Variants in STK24 observed in about 807,000 individuals in gnomAD.
STK24 encodes the protein serine/threonine-protein kinase 24.
In STK24, 21 loss-of-function variants were observed where a neutral mutation model predicts 55.6. The ratio of observed to expected loss-of-function variants is 0.38; its 90% CI spans 0.27 to 0.54. The LOEUF is 0.54. Ranked by LOEUF, STK24 falls within the 20% of genes least tolerant of loss-of-function variation. STK24 has a pLI of 0.79. For synonymous variants in STK24, 200 were observed against 215.2 expected (o/e 0.93, Z 0.62); for missense variants, 383 against 538.4 (o/e 0.71, Z 2.86).
chr13:98,513,609 A>C (rs1184214031), intron 2 of STK24, among the ~76,000 whole-genome samples: 1 of 152,100 alleles, frequency 6.6e-6, no homozygotes, highest in Non-Finnish European at 1.5e-5. Flanking sequence ...AGCCCTTCAG[A>C]CTGCACAAGA....
Position 98,447,966 on chromosome 13 carries a change from C to T in STK24, c.*5207G>A, listed in dbSNP as rs1892959523. The T allele has an allele frequency of 2.0e-6, 1 of 493,692 alleles. No homozygotes were observed. Among genetic ancestry groups the T allele is most frequent in the African/African-American group, 2.0e-5 (1 of 50,788 alleles). The allele number at this position is 493,692 out of a possible 1,614,324, so 30.6% of individuals were successfully genotyped here. A position where few individuals can be genotyped will look rare whatever the true frequency, so the allele number is the denominator to read the frequency against. ...TAGCGTTCTCCCCAGCAACCAGAGG[C>T]CACCTCGCTCCTAACTGCTCCAATG... On this transcript the variant is annotated 3_prime_UTR_variant, in exon 11 of 11. Coordinates refer to ENST00000539966, the MANE Select transcript of STK24 (RefSeq NM_001032296.4).
At position 98,521,694 on chromosome 13, in the gene STK24, C is replaced by T. The variant is rs577015257; in HGVS notation, c.43-2221G>A. 3.3e-4 allele frequency: 246 copies of T among 737,998 alleles called. No homozygotes were observed. In the African/African-American group the frequency reaches 3.5e-3, roughly 11 times the overall value. 45.7% of individuals were successfully genotyped at this position (737,998 alleles called of 1,614,324 possible). ...GCTTTCGGGGATGCGGGGGAAGCAG[C>T]GCATCCTTTTTTAGCTATAATGAAA... is the stretch of plus-strand genomic sequence containing the variant. On this transcript the variant is annotated intron_variant, in intron 1 of 10. Coordinates refer to ENST00000539966, the MANE Select transcript of STK24 (RefSeq NM_001032296.4).
chr13:98,476,578 G>A (rs778161594), intron 3 of STK24, among the ~76,000 whole-genome samples: 3 of 152,250 alleles, frequency 2.0e-5, no homozygotes, highest in African/African-American at 4.8e-5. Flanking sequence ...ATCCGACTCA[G>A]GCGTGCACAT....
Position 98,482,395 on chromosome 13 carries a change from A to G in STK24, c.274-74T>C, listed in dbSNP as rs1006649271. ...AAATTTTTTTTAATAATCAAAGGGT[A>G]TTTTTCACAATTATATTGGAACTAG... is the stretch of plus-strand genomic sequence containing the variant. On this transcript the variant is annotated intron_variant, in intron 2 of 10. Coordinates refer to ENST00000539966, the MANE Select transcript of STK24 (RefSeq NM_001032296.4). 10 of 797,776 alleles carry G rather than the reference A, an allele frequency of 1.3e-5. No individual in the cohort carries two copies. In the African/African-American group the frequency reaches 1.6e-4, roughly 13 times the overall value. 49.4% of individuals were successfully genotyped at this position (797,776 alleles called of 1,614,324 possible).
chr13:98,573,035 G>A (rs766721013), intron 1 of STK24, among the ~76,000 whole-genome samples: 3 of 152,152 alleles, frequency 2.0e-5, no homozygotes, highest in Non-Finnish European at 4.4e-5. Context: ...CAAAGGAAAT[G>A]CTCATTGGGA....
intron 1 of STK24, among the ~76,000 whole-genome samples, chr13:98,528,974 A>G (rs1251298229): frequency 6.6e-6 from 1 of 152,134 alleles, no homozygotes; most frequent in Non-Finnish European, 1.5e-5. Context: ...CTTGGCAAGC[A>G]TCTCTAATGA....
In STK24 at chr13:98,448,129, C is replaced by T. The variant is rs538538405; in HGVS notation, c.*5044G>A. 2 of 921,718 alleles carry T rather than the reference C, an allele frequency of 2.2e-6. No homozygotes were observed. Among genetic ancestry groups the T allele is most frequent in the Middle Eastern group, 3.3e-4 (1 of 3,066 alleles). 57.1% of individuals were successfully genotyped at this position (921,718 alleles called of 1,614,324 possible). A position where few individuals can be genotyped will look rare whatever the true frequency, so the allele number is the denominator to read the frequency against. ...CTCTTCTGCTGAAGTGGCAGATTAC[C>T]AACCAGGCGGCCTGACTTCACCTTG... is the stretch of plus-strand genomic sequence containing the variant. On this transcript the variant is annotated 3_prime_UTR_variant, in exon 11 of 11. Coordinates refer to ENST00000539966, the MANE Select transcript of STK24 (RefSeq NM_001032296.4).
At chr13:98,462,629 C>T (rs575977187) in intron 7 of STK24, among the ~76,000 whole-genome samples, 1 of 152,282 alleles carries the variant, frequency 6.6e-6, no homozygotes, top group South Asian at 2.1e-4. Flanking sequence ...CCAACTGACA[C>T]CCTTTTTTCT....
Position 98,505,437 on chromosome 13 carries a change from A to G in STK24, c.273+13806T>C, listed in dbSNP as rs553196444. Among the ~76,000 whole-genome samples, 5 of 152,280 alleles carry G rather than the reference A, an allele frequency of 3.3e-5. No individual in the cohort carries two copies. The South Asian group carries it at 8.3e-4, about 25-fold the overall frequency. On this transcript the variant is annotated intron_variant, in intron 2 of 10. Transcript: ENST00000539966. ...TTGGCTGGAAGCCAACAGCAGAAGC[A>G]TGTATGTAAATGAAGACTGCAGATG...
chr13:98,481,113 G>A (rs1327335156), intron 3 of STK24, among the ~76,000 whole-genome samples: 2 of 152,214 alleles, frequency 1.3e-5, no homozygotes, highest in East Asian at 1.9e-4. Context: ...GAAGGGGTGG[G>A]GAAAGAGTGA....
chr13:98,567,922 G>A (rs1416907953), intron 1 of STK24, among the ~76,000 whole-genome samples: 1 of 131,296 alleles, frequency 7.6e-6, no homozygotes, highest in Admixed American at 7.8e-5. Flanking sequence ...CTGGAAAGTA[G>A]GTAGTGGTTT....
chr13:98,511,774 G>A (rs140188916), intron 2 of STK24, among the ~76,000 whole-genome samples: 94 of 150,366 alleles, frequency 6.3e-4, no homozygotes, highest in East Asian at 5.6e-3. Flanking sequence ...TGCCATGGGC[G>A]GGGGATGGTT....
intron 2 of STK24, among the ~76,000 whole-genome samples, chr13:98,513,680 T>A (rs1895960537): frequency 6.6e-6 from 1 of 152,172 alleles, no homozygotes; most frequent in Non-Finnish European, 1.5e-5. Flanking sequence ...ATTTGTTATC[T>A]AATTCAAATA....
intron 2 of STK24, among the ~76,000 whole-genome samples, chr13:98,487,443 G>A (rs1323498579): frequency 6.6e-6 from 1 of 152,058 alleles, no homozygotes; most frequent in Non-Finnish European, 1.5e-5. Context: ...AATTTAAAAG[G>A]TGCCAAAGTA....
chr13:98,573,830 T>C (rs1397728857), intron 1 of STK24, among the ~76,000 whole-genome samples: 3 of 152,212 alleles, frequency 2.0e-5, no homozygotes, highest in African/African-American at 7.2e-5. Context: ...CAGTTAAGTC[T>C]TCCTTGGTCT....
intron 1 of STK24, chr13:98,542,917 C>T (rs189337254): frequency 1.0e-6 from 1 of 985,460 alleles, no homozygotes; most frequent in East Asian, 1.1e-4. Context: ...CGCGGCCTGA[C>T]AGGAACGGGT....
rs557362671 is a variant in STK24 at position 98,449,267 on chromosome 13, A to C, written c.*3906T>G. ...GTCGTTATTCCTATATCCTCCTGCA[A>C]CTGTGGTTTGAAACTGCGCATTCTC... On this transcript the variant is annotated 3_prime_UTR_variant, in exon 11 of 11. Coordinates refer to ENST00000539966, the MANE Select transcript of STK24 (RefSeq NM_001032296.4). 6.6e-6 allele frequency: 1 copy of C among 152,216 alleles called. No individual in the cohort carries two copies. Among genetic ancestry groups the C allele is most frequent in the East Asian group, 1.9e-4 (1 of 5,196 alleles). The allele number at this position is 152,216 out of a possible 1,614,324, so 9.4% of individuals were successfully genotyped here. A position where few individuals can be genotyped will look rare whatever the true frequency, so the allele number is the denominator to read the frequency against.
chr13:98,561,029 G>A (rs536761945), intron 1 of STK24, among the ~76,000 whole-genome samples: 11 of 152,286 alleles, frequency 7.2e-5, no homozygotes, highest in Admixed American at 6.5e-4. Flanking sequence ...CTGCTGTCTT[G>A]AGTGAATGCT....
intron 2 of STK24, among the ~76,000 whole-genome samples, chr13:98,518,535 G>C (rs1435724427): frequency 6.6e-6 from 1 of 152,196 alleles, no homozygotes; most frequent in Non-Finnish European, 1.5e-5. Flanking sequence ...TAAGTTCAGT[G>C]AAACAGGTAT....
Sources: gnomAD v4.1 joint callset for allele counts (sites outside exome capture counted in the v4.1 genomes callset) on GRCh38, gnomAD v4.1.1 for gene constraint, MANE v1.5 for transcripts, NCBI Gene and HGNC (gene_info 2026-07-23, HGNC 2026-07-21) for gene names.